CDH23: variants seen among roughly 807,000 people sequenced by gnomAD.
CDH23 encodes cadherin related 23.
In CDH23, 189 loss-of-function variants were observed where a neutral mutation model predicts 317.1. The ratio of observed to expected loss-of-function variants is 0.60; its 90% CI spans 0.53 to 0.67. CDH23 has a LOEUF of 0.67. CDH23 is among the 30% of genes least tolerant of loss of function. The pLI, the probability that CDH23 is intolerant of heterozygous loss-of-function variation, is 0.00. For missense variants in CDH23, 4,401 were observed against 4,592.4 expected (o/e 0.96, Z 1.20); for synonymous variants, 1,839 against 1,876.8 (o/e 0.98, Z 0.52).
At chr10:71,724,388 G>A (rs1334914068) in intron 29 of CDH23, among the ~76,000 whole-genome samples, 1 of 152,186 alleles carries the variant, frequency 6.6e-6, no homozygotes, top group Non-Finnish European at 1.5e-5. Context: ...TGCCTCCTGG[G>A]TTCAAGCGAT....
At chr10:71,610,409 C>T (rs1332616464) in intron 9 of CDH23, among the ~76,000 whole-genome samples, 2 of 152,170 alleles carry the variant, frequency 1.3e-5, no homozygotes, top group Non-Finnish European at 2.9e-5. Context: ...TAGCACAGGG[C>T]CAGGTGCAGA....
At chr10:71,451,704 T>C (rs542718964) in intron 3 of CDH23, among the ~76,000 whole-genome samples, 17 of 152,328 alleles carry the variant, frequency 1.1e-4, no homozygotes, top group African/African-American at 3.6e-4. Flanking sequence ...CCCATGGAGA[T>C]GCTGCTGTTA....
At chr10:71,495,555 G>A (rs907128209) in intron 3 of CDH23, among the ~76,000 whole-genome samples, 3 of 152,030 alleles carry the variant, frequency 2.0e-5, no homozygotes, top group Admixed American at 6.6e-5. Flanking sequence ...ATCTTAAGCC[G>A]GGCACGGTGG....
chr10:71,718,941 G>T (rs10823831), intron 28 of CDH23, among the ~76,000 whole-genome samples: 23,556 of 151,936 alleles, frequency 0.16, 3,746 homozygotes, highest in African/African-American at 0.39. Context: ...AGCCAGGTGT[G>T]GTAGTATGTG....
chr10:71,662,188 T>C (rs1321567352), intron 14 of CDH23, among the ~76,000 whole-genome samples: 1 of 152,066 alleles, frequency 6.6e-6, no homozygotes, highest in Non-Finnish European at 1.5e-5. Context: ...TGTGGGTATT[T>C]AATCTATCAG....
intron 1 of CDH23, among the ~76,000 whole-genome samples, chr10:71,437,855 G>A (rs1849687062): frequency 6.6e-6 from 1 of 152,092 alleles, no homozygotes; most frequent in African/African-American, 2.4e-5. Flanking sequence ...GAGAGCATGT[G>A]GACTCCAACT....
At chr10:71,714,161 A>G (rs1866109229) in intron 28 of CDH23, 2 of 152,044 alleles carry the variant, frequency 1.3e-5, no homozygotes, top group South Asian at 4.2e-4. Flanking sequence ...TTGAGATCAG[A>G]TTGACTTGGA....
intron 3 of CDH23, among the ~76,000 whole-genome samples, chr10:71,495,723 G>C (rs1199960170): frequency 6.6e-6 from 1 of 151,374 alleles, no homozygotes; most frequent in Non-Finnish European, 1.5e-5. Context: ...TGTAGTCCTA[G>C]CTACTTGGGA....
intron 6 of CDH23, among the ~76,000 whole-genome samples, chr10:71,518,370 G>A (rs1238633927): frequency 6.6e-6 from 1 of 152,176 alleles, no homozygotes; most frequent in Non-Finnish European, 1.5e-5. Context: ...GCCTGCTTTT[G>A]ATTTGCAATA....
Position 71,810,528 on chromosome 10 carries a change from C to T in CDH23, c.9036C>T (p.His3012=), listed in dbSNP as rs778716708. 2 of 1,613,942 alleles carry T rather than the reference C, an allele frequency of 1.2e-6. No homozygotes were observed. Among genetic ancestry groups the T allele is most frequent in the South Asian group, 2.2e-5 (2 of 91,084 alleles). The change falls in exon 62 of 70, where the codon CAC becomes CAT. Residue 3012 remains histidine, a synonymous_variant. Transcript: ENST00000224721. The part of the protein sequence containing the change: ...VNFAQTELLI[H]VVNRDTNRIL... ...TTGCGCAGACAGAACTGCTTATCCA[C>T]GTGGTGAACCGCGATACCAACCGCA...
At chr10:71,580,498 T>C (rs573938446) in intron 9 of CDH23, among the ~76,000 whole-genome samples, 8 of 152,122 alleles carry the variant, frequency 5.3e-5, no homozygotes, top group African/African-American at 9.7e-5. Flanking sequence ...GGATGACAAA[T>C]GGGTTACCTC....
intron 38 of CDH23, chr10:71,755,030 C>T: frequency 2.0e-6 from 1 of 504,500 alleles, no homozygotes; most frequent in Non-Finnish European, 3.9e-6. Flanking sequence ...AACAGGTCCC[C>T]CAAGGATCTC....
At chr10:71,412,607 C>CA (rs141851857) in intron 1 of CDH23, among the ~76,000 whole-genome samples, 2,467 of 152,298 alleles carry the variant, frequency 0.016, 71 homozygotes, top group African/African-American at 0.056. Flanking sequence ...CTCCTGAGCT[C>CA]AAGTGATCTT....
chr10:71,485,654 T>A (rs1852309190), intron 3 of CDH23, among the ~76,000 whole-genome samples: 1 of 152,232 alleles, frequency 6.6e-6, no homozygotes, highest in South Asian at 2.1e-4. Context: ...AGGCAGGAGA[T>A]GGTCCTACCT....
rs1477257041 is a variant in CDH23, at chr10:71,590,882, AAAAACAAAAAAAAAC to A, written c.832+12895_832+12909del. ...AGTGAGACCCTGTCTCTAAAAAAAAAAAAACAAAAAAAAACAAAAAAAAACACCAGTCTCTTCTCT... is the reference window on the plus strand; with the variant it reads ...AGTGAGACCCTGTCTCTAAAAAAAAAAAAAAAAAACACCAGTCTCTTCTCT... On this transcript the variant is annotated intron_variant, in intron 9 of 69. Coordinates refer to ENST00000224721, the MANE Select transcript of CDH23 (RefSeq NM_022124.6). Among the ~76,000 whole-genome samples, 6 of 120,594 alleles carry A rather than the reference AAAAACAAAAAAAAAC, an allele frequency of 5.0e-5. No homozygotes were observed. The East Asian group carries it at 1.5e-3, about 30-fold the overall frequency. 79.1% of individuals were successfully genotyped at this position (120,594 alleles called of 152,430 possible).
chr10:71,706,348 A>G (rs1356137873), intron 25 of CDH23, among the ~76,000 whole-genome samples: 1 of 152,084 alleles, frequency 6.6e-6, no homozygotes, highest in African/African-American at 2.4e-5. Context: ...CTGAGGGTAG[A>G]CCTTGAGGCT....
At chr10:71,583,378 G>A (rs1234900889) in intron 9 of CDH23, among the ~76,000 whole-genome samples, 1 of 152,094 alleles carries the variant, frequency 6.6e-6, no homozygotes, top group East Asian at 1.9e-4. Context: ...GGGGGTCTTG[G>A]GAGTGGGGTG....
chr10:71,724,124 G>C lies in CDH23; in HGVS notation c.3430+19G>C. The stretch of plus-strand genomic sequence containing the variant: ...CTCCATGGTAAGTGGGGCTGCCCTA[G>C]GATGGGGGGCGGTCCTCCTGCCCAG... On this transcript the variant is annotated intron_variant, in intron 29 of 69. Coordinates refer to ENST00000224721, the MANE Select transcript of CDH23 (RefSeq NM_022124.6). The C allele has an allele frequency of 6.4e-7, 1 of 1,553,578 alleles. No homozygotes were observed. The highest frequency in any genetic ancestry group is 1.4e-5 in the African/African-American group (1 of 73,290).
chr10:71,572,010 C>T (rs372531488), intron 8 of CDH23, among the ~76,000 whole-genome samples: 5 of 152,326 alleles, frequency 3.3e-5, no homozygotes, highest in African/African-American at 7.2e-5. Context: ...AGCATGAGGC[C>T]GCAGTCTCCT....
Sources: allele counts gnomAD v4.1 joint callset (sites outside exome capture counted in the v4.1 genomes callset), GRCh38; gene constraint gnomAD v4.1.1; transcripts MANE v1.5; gene names NCBI Gene and HGNC (gene_info 2026-07-23, HGNC 2026-07-21).